The following NELL2 variants were observed in gnomAD, a reference collection of about 807,000 sequenced individuals.
The protein encoded by NELL2 is protein kinase C-binding protein NELL2.
Under a neutral mutation model 109.6 loss-of-function variants are expected in NELL2, and 41 were observed. The ratio of observed to expected loss-of-function variants is 0.37; its 90% confidence interval spans 0.29 to 0.49. The LOEUF (loss-of-function observed/expected upper bound fraction) is 0.49, where lower values mean the gene tolerates loss of function less well. Among genes scored for constraint, NELL2 ranks in the 20% least tolerant of loss-of-function variants. The pLI is 0.98. For synonymous variants in NELL2, 355 were observed against 344.7 expected (o/e 1.03, Z -0.33); for missense variants, 900 against 1,008.3 (o/e 0.89, Z 1.45).
At chr12:44,643,651 A>G (rs533797601) in intron 13 of NELL2, among the ~76,000 whole-genome samples, 1 of 152,280 alleles carries the variant, frequency 6.6e-6, no homozygotes, top group African/African-American at 2.4e-5. Flanking sequence ...TACAAAAGAA[A>G]TCATGTAGCA....
At chr12:44,541,431 A>G (rs1441781918) in intron 15 of NELL2, among the ~76,000 whole-genome samples, 1 of 152,076 alleles carries the variant, frequency 6.6e-6, no homozygotes, top group African/African-American at 2.4e-5. Context: ...TTAAATATAT[A>G]CTAACTGGAG....
At chr12:44,593,899 T>C (rs1335284368) in intron 15 of NELL2, among the ~76,000 whole-genome samples, 3 of 152,126 alleles carry the variant, frequency 2.0e-5, no homozygotes, top group Non-Finnish European at 4.4e-5. Context: ...CCATCAATGA[T>C]AGACTGGATA....
chr12:44,698,925 C>T (rs1477881231), intron 12 of NELL2, among the ~76,000 whole-genome samples: 1 of 152,120 alleles, frequency 6.6e-6, no homozygotes, highest in African/African-American at 2.4e-5. Context: ...TCATCCCCAG[C>T]AACTATTATG....
rs550241616 is a variant in NELL2, at chr12:44,895,956, G to T, written c.38+17843C>A. 3.9e-5 allele frequency among the ~76,000 whole-genome samples: 6 copies of T among 152,190 alleles called. 1 individual carries two copies. The highest frequency in any genetic ancestry group is 1.4e-4 in the African/African-American group (6 of 41,540). On this transcript the variant is annotated intron_variant, in intron 1 of 20. Transcript: ENST00000333837. ...TACATTTGCAAATAAAACATATTTT[G>T]CTATGCTCGGTTTTATAACATGCTA...
intron 2 of NELL2, among the ~76,000 whole-genome samples, chr12:44,872,894 T>C (rs542011377): frequency 5.3e-5 from 8 of 152,314 alleles, no homozygotes; most frequent in Admixed American, 4.6e-4. Context: ...TCAGTCTGTA[T>C]ATTTTTTTCT....
chr12:44,831,806 G>A (rs1163434392), intron 2 of NELL2, among the ~76,000 whole-genome samples: 1 of 152,192 alleles, frequency 6.6e-6, no homozygotes. Context: ...GTGTCCGTGA[G>A]TAATTTCAGG....
intron 3 of NELL2, among the ~76,000 whole-genome samples, chr12:44,803,964 G>T (rs540150494): frequency 6.6e-6 from 1 of 151,926 alleles, no homozygotes; most frequent in African/African-American, 2.4e-5. Context: ...AAAAGTTTAA[G>T]TGTGTAAGTA....
At chr12:44,562,354 G>A (rs959179993) in intron 15 of NELL2, among the ~76,000 whole-genome samples, 14 of 152,154 alleles carry the variant, frequency 9.2e-5, no homozygotes, top group Non-Finnish European at 1.9e-4. Context: ...CACAGCAAAA[G>A]AAACTATCAT....
chr12:44,544,144 A>G (rs1332907011), intron 15 of NELL2, among the ~76,000 whole-genome samples: 2 of 152,134 alleles, frequency 1.3e-5, no homozygotes, highest in African/African-American at 4.8e-5. Flanking sequence ...ATGAAGGTGG[A>G]AAAATATATT....
At chr12:44,594,879 A>AGTTTT (rs1944897995) in intron 15 of NELL2, among the ~76,000 whole-genome samples, 1 of 152,178 alleles carries the variant, frequency 6.6e-6, no homozygotes, top group South Asian at 2.1e-4. Context: ...AAAGAGATTC[A>AGTTTT]GTACCTTCTG....
At chr12:44,820,220 A>T (rs542291551) in intron 2 of NELL2, among the ~76,000 whole-genome samples, 1 of 152,284 alleles carries the variant, frequency 6.6e-6, no homozygotes, top group Non-Finnish European at 1.5e-5. Flanking sequence ...TCAAGAATTC[A>T]TTATGTCCAA....
intron 9 of NELL2, among the ~76,000 whole-genome samples, chr12:44,729,251 G>T (rs1939237199): frequency 6.6e-6 from 1 of 151,722 alleles, no homozygotes; most frequent in African/African-American, 2.4e-5. Flanking sequence ...GAGTAAATAG[G>T]TATATGGAAA....
intron 9 of NELL2, among the ~76,000 whole-genome samples, chr12:44,759,630 T>C (rs1403932670): frequency 1.3e-5 from 2 of 152,192 alleles, no homozygotes; most frequent in East Asian, 1.9e-4. Context: ...AACTATTTCT[T>C]AAGCTATTAA....
intron 19 of NELL2, among the ~76,000 whole-genome samples, chr12:44,516,125 GAAT>G (rs1941245527): frequency 6.6e-6 from 1 of 151,720 alleles, no homozygotes; most frequent in African/African-American, 2.4e-5. Context: ...TTCAACAGCT[GAAT>G]AATAATATAT....
chr12:44,771,515 G>A (rs1250063773), intron 9 of NELL2, among the ~76,000 whole-genome samples: 1 of 152,194 alleles, frequency 6.6e-6, no homozygotes, highest in Non-Finnish European at 1.5e-5. Flanking sequence ...CACAAAGTAT[G>A]TGTCTTGTAA....
At chr12:44,681,715 A>G (rs1414413850) in intron 12 of NELL2, among the ~76,000 whole-genome samples, 2 of 151,968 alleles carry the variant, frequency 1.3e-5, no homozygotes, top group Non-Finnish European at 2.9e-5. Context: ...ATGATTTCCA[A>G]TTTCATCCAT....
chr12:44,841,271 C>A (rs1944218922), intron 2 of NELL2, among the ~76,000 whole-genome samples: 1 of 152,124 alleles, frequency 6.6e-6, no homozygotes, highest in African/African-American at 2.4e-5. Flanking sequence ...TTTTCACATG[C>A]CTTACTTCTA....
chr12:44,704,305 A>G (rs1937730574), intron 11 of NELL2, among the ~76,000 whole-genome samples: 1 of 150,460 alleles, frequency 6.6e-6, no homozygotes, highest in South Asian at 2.1e-4. Context: ...AAGAAATTAG[A>G]CAGCTTAGCA....
intron 3 of NELL2, among the ~76,000 whole-genome samples, chr12:44,796,991 A>T (rs1472015331): frequency 6.6e-6 from 1 of 152,154 alleles, no homozygotes; most frequent in Non-Finnish European, 1.5e-5. Context: ...TCTGGAGATA[A>T]GAATTAAGTG....
Sources: gnomAD v4.1 joint callset for allele counts (sites outside exome capture counted in the v4.1 genomes callset) on GRCh38, gnomAD v4.1.1 for gene constraint, MANE v1.5 for transcripts, NCBI Gene and HGNC (gene_info 2026-07-23, HGNC 2026-07-21) for gene names.